NEXMIF: variants seen among roughly 807,000 people sequenced by gnomAD.
NEXMIF encodes the protein XLMR protein related to neurite extension.
A neutral mutation model predicts 62.1 loss-of-function variants in NEXMIF; 8 were observed. That is an observed-to-expected ratio of 0.13 (90% CI 0.08 to 0.23). The LOEUF (loss-of-function observed/expected upper bound fraction) is 0.23. NEXMIF is among the 10% of genes least tolerant of loss of function. The pLI is 1.00. For missense variants in NEXMIF, 976 were observed against 1,113.3 expected (o/e 0.88, Z 1.75); for synonymous variants, 404 against 416.6 (o/e 0.97, Z 0.37).
chrX:74,774,581 G>T (rs1389307871), intron 1 of NEXMIF, among the ~76,000 whole-genome samples: 13 of 112,288 alleles, frequency 1.2e-4, no homozygotes, highest in African/African-American at 4.2e-4. Flanking sequence ...TCTTTGTGAA[G>T]AAATAAGATG....
chrX:74,801,406 A>C (rs999996247), intron 1 of NEXMIF, among the ~76,000 whole-genome samples: 1 of 111,863 alleles, frequency 8.9e-6, no homozygotes, highest in African/African-American at 3.3e-5. Context: ...GCCTTCCAAA[A>C]TGGCCACACC....
chrX:74,916,545 GC>G (rs983426614), intron 1 of NEXMIF, among the ~76,000 whole-genome samples: 1 of 111,589 alleles, frequency 9.0e-6, no homozygotes, highest in African/African-American at 3.3e-5. Flanking sequence ...AGAGACCTGA[GC>G]TAGCACATTC....
Position 74,887,362 on chromosome X carries a change from C to A in NEXMIF, c.-48+37521G>T, listed in dbSNP as rs1457395089. 3.6e-5 allele frequency among the ~76,000 whole-genome samples: 4 copies of A among 110,971 alleles called. No individual in the cohort carries two copies. In the Admixed American group the frequency reaches 3.8e-4, roughly 11 times the overall value. On this transcript the variant is annotated intron_variant, in intron 1 of 3. Coordinates refer to ENST00000055682, the MANE Select transcript of NEXMIF (RefSeq NM_001008537.3). ...AGAAACCACCATCAGAGTGAACAGG[C>A]AACCTACAGAATGGGAGAAAATTTT...
chrX:74,783,996 C>A (rs1433111650), intron 1 of NEXMIF, among the ~76,000 whole-genome samples: 1 of 111,238 alleles, frequency 9.0e-6, no homozygotes, highest in African/African-American at 3.3e-5. Context: ...TTTCTATAGT[C>A]ATTTCCGTCA....
chrX:74,881,346 A>G (rs927290345), intron 1 of NEXMIF, among the ~76,000 whole-genome samples: 1 of 107,680 alleles, frequency 9.3e-6, no homozygotes, highest in Admixed American at 1.0e-4. Context: ...GCTTTCCTAC[A>G]TTTACTTAAA....
At chrX:74,891,829 T>C (rs190867840) in intron 1 of NEXMIF, among the ~76,000 whole-genome samples, 70 of 111,797 alleles carry the variant, frequency 6.3e-4, no homozygotes, top group Admixed American at 3.7e-3. Flanking sequence ...CAAGCTATGT[T>C]CTCTAAACAT....
intron 1 of NEXMIF, among the ~76,000 whole-genome samples, chrX:74,922,369 T>A (rs868782122): frequency 1.0e-5 from 1 of 100,160 alleles, no homozygotes; most frequent in African/African-American, 3.7e-5. Flanking sequence ...TGTGTGTGTG[T>A]GAAAAAGCAC....
chrX:74,849,482 C>T (rs990937782), intron 1 of NEXMIF, among the ~76,000 whole-genome samples: 3 of 112,271 alleles, frequency 2.7e-5, no homozygotes, highest in East Asian at 5.7e-4. Flanking sequence ...TGCATGATGG[C>T]ATGCTCCAGA....
At chrX:74,757,023 C>T (rs959473579) in intron 1 of NEXMIF, among the ~76,000 whole-genome samples, 2 of 111,910 alleles carry the variant, frequency 1.8e-5, no homozygotes, top group Non-Finnish European at 3.8e-5. Context: ...CAAGGATGAA[C>T]GCTGTTTCCT....
At chrX:74,861,455 TAAC>T (rs2080557320) in intron 1 of NEXMIF, among the ~76,000 whole-genome samples, 1 of 111,639 alleles carries the variant, frequency 9.0e-6, no homozygotes. Context: ...TTCCACAACC[TAAC>T]AAGACAGGCA....
intron 1 of NEXMIF, among the ~76,000 whole-genome samples, chrX:74,853,683 C>T (rs2080523932): frequency 9.0e-6 from 1 of 110,510 alleles, no homozygotes; most frequent in African/African-American, 3.3e-5. Context: ...TTAATAACTC[C>T]TGTATTACTA....
intron 1 of NEXMIF, among the ~76,000 whole-genome samples, chrX:74,902,563 T>C (rs899042425): frequency 9.0e-6 from 1 of 110,582 alleles, no homozygotes; most frequent in East Asian, 2.9e-4. Context: ...TGAGGTCCAT[T>C]GTAGCTCTTC....
In NEXMIF at chrX:74,742,759, C is replaced by T; in HGVS notation, c.1798G>A (p.Asp600Asn). ...TGGGAAAAAGGTGTCTTGATGGAGT[C>T]CGTGTTGGTGTTTCTCTGCTTCTTC... ...KKKKQRNTNT[D>N]SIKTPFSQKQ... Residue 600 changes from aspartate to asparagine, a missense_variant, in exon 3 of 4, where the codon GAC becomes AAC. Transcript: ENST00000055682. The T allele has an allele frequency of 8.3e-7, 1 of 1,210,923 alleles. No homozygotes were observed. The highest frequency in any genetic ancestry group is 1.1e-6 in the Non-Finnish European group (1 of 895,265).
chrX:74,842,259 T>G (rs2080476397), intron 1 of NEXMIF, among the ~76,000 whole-genome samples: 1 of 111,824 alleles, frequency 8.9e-6, no homozygotes, highest in Admixed American at 9.5e-5. Context: ...TTCTAGTTTG[T>G]GTGCACAGAG....
intron 1 of NEXMIF, among the ~76,000 whole-genome samples, chrX:74,770,739 C>A (rs2080207718): frequency 9.0e-6 from 1 of 111,293 alleles, no homozygotes; most frequent in South Asian, 3.7e-4. Context: ...CAGTCATAGC[C>A]CAATGGGGTA....
At chrX:74,875,780 G>A (rs182501533) in intron 1 of NEXMIF, among the ~76,000 whole-genome samples, 8,416 of 110,852 alleles carry the variant, frequency 0.076, 854 homozygotes, top group African/African-American at 0.27. Context: ...GTTTATTTGT[G>A]TAGAGGTGTT....
At position 74,740,455 on chromosome X, in the gene NEXMIF, T is replaced by C. The variant is rs751057047; in HGVS notation, c.4102A>G (p.Lys1368Glu). Residue 1368 changes from lysine to glutamate, a missense_variant, in exon 3 of 4, where the codon AAA becomes GAA. Around this residue, in one of 5 missense-constraint regions of NEXMIF, gnomAD observed 137 missense variants for 128.9 expected, o/e 1.06. Coordinates refer to ENST00000055682, the MANE Select transcript of NEXMIF (RefSeq NM_001008537.3). ...ESNSLKLKTL[K>E]ILAGTPQESK... is the part of the protein sequence containing the mutation. The stretch of plus-strand genomic sequence containing the variant: ...TCCTGTGGTGTCCCAGCCAATATTT[T>C]GAGGGTTTTTAATTTTAGACTATTG... 1 of 1,211,384 alleles carries C rather than the reference T, an allele frequency of 8.3e-7. No homozygotes were observed. The highest frequency in any genetic ancestry group is 1.1e-6 in the Non-Finnish European group (1 of 895,371).
intron 1 of NEXMIF, among the ~76,000 whole-genome samples, chrX:74,752,080 T>A (rs1178767547): frequency 1.8e-5 from 2 of 111,629 alleles, no homozygotes; most frequent in Non-Finnish European, 3.8e-5. Flanking sequence ...GTGCTAGGAT[T>A]ACAGGCATGA....
chrX:74,769,840 C>T (rs2080204707), intron 1 of NEXMIF: 7 of 395,129 alleles, frequency 1.8e-5, no homozygotes, highest in Non-Finnish European at 3.1e-5. Context: ...TAAATGTGGT[C>T]CTGATCAAGA....
Sources: allele counts gnomAD v4.1 joint callset (sites outside exome capture counted in the v4.1 genomes callset), GRCh38; gene constraint gnomAD v4.1.1; regional missense constraint gnomAD v4.1.1; transcripts MANE v1.5; gene names NCBI Gene and HGNC (gene_info 2026-07-23, HGNC 2026-07-21).